KLK15: variants seen among roughly 807,000 people sequenced by gnomAD.
KLK15 encodes the protein kallikrein related peptidase 15.
A neutral mutation model predicts 21.1 loss-of-function variants in KLK15; 19 were observed. That is an observed-to-expected ratio of 0.90 (90% CI 0.63 to 1.32). The LOEUF (loss-of-function observed/expected upper bound fraction) is 1.32, where lower values mean the gene tolerates loss of function less well. Ranked by LOEUF, KLK15 falls within the 40% of genes most tolerant of loss-of-function variation. KLK15 has a pLI of 0.00. For missense variants in KLK15, 345 were observed against 348.6 expected, an observed-to-expected ratio of 0.99 and a Z score of 0.08; for synonymous variants, 141 against 141.5, an observed-to-expected ratio of 1.00 and a Z score of 0.03.
Position 50,825,963 on chromosome 19 carries a change from G to A in KLK15, c.619-15C>T, listed in dbSNP as rs369714675. 6.2e-7 allele frequency: 1 copy of A among 1,607,146 alleles called. No homozygotes were observed. The highest frequency in any genetic ancestry group is 2.2e-5 in the East Asian group (1 of 44,698). The stretch of plus-strand genomic sequence containing the variant: ...CCAGAGTCACCCTGTGGGGAAAAGA[G>A]GGGGTCTCAGGTTGAGTGAAACCTC... On this transcript the variant is annotated splice_polypyrimidine_tract_variant and intron_variant, in intron 4 of 4. Transcript: ENST00000598239.
intron 1 of KLK15, 105 bp from the exon 3 acceptor site, chr19:50,827,920 A>G: frequency 9.2e-7 from 1 of 1,088,524 alleles, no homozygotes; most frequent in South Asian, 1.5e-5. Flanking sequence ...CCTTTCCCCT[A>G]ACTTCTCAAG....
intron 1 of KLK15, among the ~76,000 whole-genome samples, chr19:50,830,946 AT>A (rs1286950875): frequency 6.6e-6 from 1 of 152,150 alleles, no homozygotes; most frequent in African/African-American, 2.4e-5. Context: ...ACCACATTTA[AT>A]CCCCTCAAAG....
chr19:50,829,360 G>C (rs1026268865), intron 1 of KLK15, among the ~76,000 whole-genome samples: 1 of 151,736 alleles, frequency 6.6e-6, no homozygotes, highest in Non-Finnish European at 1.5e-5. Context: ...CCTAGCCCTG[G>C]TAGCTACTTA....
At position 50,827,736 on chromosome 19, in the gene KLK15, C is replaced by T. The variant is rs528730811; in HGVS notation, c.123G>A (p.Glu41=). The change falls in exon 2 of 5, where the codon GAG becomes GAA. Residue 41 remains glutamate, a synonymous_variant. Transcript: ENST00000598239. Reference sequence around the variant, plus strand: ...AAGCGCCACAGTTAAAGCGTCCACGCTCGTAGAGAGCCACTTGCCATGGCT... The same window carrying T: ...AAGCGCCACAGTTAAAGCGTCCACGTTCGTAGAGAGCCACTTGCCATGGCT... 65 of 1,611,336 alleles carry T rather than the reference C, an allele frequency of 4.0e-5. 2 individuals are homozygous for T. In the South Asian group the frequency reaches 6.6e-4, roughly 16 times the overall value.
At chr19:50,825,762 C>A in exon 5 of KLK15, 1 of 1,598,698 alleles carries the variant, frequency 6.3e-7, no homozygotes, top group Non-Finnish European at 8.5e-7. Flanking sequence ...GGGGCTTCTG[C>A]TCAGTCAGGG....
rs1017815186 is a variant in KLK15 at position 50,831,259 on chromosome 19, T to C, written c.43+191A>G. 2.4e-4 allele frequency: 103 copies of C among 423,128 alleles called. 1 individual carries two copies. The highest frequency in any genetic ancestry group is 1.8e-3 in the African/African-American group (85 of 48,438). The allele number at this position is 423,128 out of a possible 1,614,324, so 26.2% of individuals were successfully genotyped here. On this transcript the variant is annotated intron_variant, in intron 1 of 4. Transcript: ENST00000598239. ...GGGCAGCGAGAGGCCCCAGGCAACA[T>C]AGCGACTCCAGAGCAGCAGCACCAG...
chr19:50,832,318 T>TTTC (rs2090002611), upstream of KLK15, among the ~76,000 whole-genome samples: 1 of 113,068 alleles, frequency 8.8e-6, no homozygotes, highest in Non-Finnish European at 1.8e-5. Flanking sequence ...CTTTCTTTTT[T>TTTC]TTTCTTTTTT....
intron 4 of KLK15, chr19:50,826,389 C>A: frequency 2.0e-6 from 1 of 511,600 alleles, no homozygotes; most frequent in Non-Finnish European, 3.4e-6. Flanking sequence ...TTCTCAACCC[C>A]AACCCATGCC....
At chr19:50,832,512 G>A (rs541039752), upstream of KLK15, among the ~76,000 whole-genome samples, 3 of 144,380 alleles carry the variant, frequency 2.1e-5, no homozygotes, top group Admixed American at 7.1e-5. Flanking sequence ...TAGTAGAGAC[G>A]GAGTTTCACC....
In KLK15 at chr19:50,826,054, A is replaced by G. The variant is rs945039870; in HGVS notation, c.619-106T>C. On this transcript the variant is annotated intron_variant, in intron 4 of 4. Transcript: ENST00000598239. ...CCCAAACCCAATCCATCCCCATCCCAGGGAACCCCAACCCAACTCAACTCA... is the reference window on the plus strand; with the variant it reads ...CCCAAACCCAATCCATCCCCATCCCGGGGAACCCCAACCCAACTCAACTCA... 4.2e-6 allele frequency: 5 copies of G among 1,189,366 alleles called. No individual in the cohort carries two copies. In the African/African-American group the frequency reaches 6.1e-5, roughly 15 times the overall value. The allele number at this position is 1,189,366 out of a possible 1,614,324, so 73.7% of individuals were successfully genotyped here. A position where few individuals can be genotyped will look rare whatever the true frequency, so the allele number is the denominator to read the frequency against.
In KLK15 at chr19:50,827,098, C is replaced by CTT. The variant is rs765310880; in HGVS notation, c.260_261insAA (p.Thr88ArgfsTer26). ...GGTGTGGAATGACCCGAGACGTGGTCCGTAGTTGCTCTGGGCCATCGCGCT... is the reference window on the plus strand; with the variant it reads ...GGTGTGGAATGACCCGAGACGTGGTCTTCGTAGTTGCTCTGGGCCATCGCGCT... On this transcript the variant is annotated frameshift_variant, in exon 3 of 5. Transcript: ENST00000598239. LOFTEE classifies it high-confidence loss of function. The CTT allele has an allele frequency of 1.9e-6, 3 of 1,605,354 alleles. No individual in the cohort carries two copies. The African/African-American group carries it at 4.0e-5, about 21-fold the overall frequency.
chr19:50,827,852 C>G, intron 1 of KLK15, 37 bp from the exon 3 acceptor site: 1 of 1,597,394 alleles, frequency 6.3e-7, no homozygotes, highest in Non-Finnish European at 8.6e-7. Flanking sequence ...AGGACAGGGA[C>G]GTTTACATTG....
chr19:50,826,012 A>G, intron 4 of KLK15, 64 bp from the exon 6 acceptor site: 1 of 1,499,410 alleles, frequency 6.7e-7, no homozygotes, highest in Non-Finnish European at 9.0e-7. Flanking sequence ...CATCCTAATC[A>G]CCATTTGCAA....
intron 1 of KLK15, 101 bp downstream of exon 2, chr19:50,831,349 T>C: frequency 1.2e-6 from 1 of 820,982 alleles, no homozygotes; most frequent in Non-Finnish European, 1.8e-6. Context: ...TCTTTAGTGG[T>C]CTCTGGGTGA....
intron 4 of KLK15, 146 bp downstream of exon 5, chr19:50,826,475 C>G (rs151262328): frequency 1.4e-5 from 13 of 960,034 alleles, no homozygotes; most frequent in Non-Finnish European, 1.8e-5. Flanking sequence ...AACCTCACCC[C>G]TATTCTAACT....
At chr19:50,832,394 C>T (rs909707570), upstream of KLK15, among the ~76,000 whole-genome samples, 10 of 147,394 alleles carry the variant, frequency 6.8e-5, no homozygotes, top group African/African-American at 2.5e-4. Context: ...GTGATCTCCG[C>T]TCACTGTAAC....
chr19:50,829,579 C>G (rs922515754), intron 1 of KLK15, among the ~76,000 whole-genome samples: 1 of 151,706 alleles, frequency 6.6e-6, no homozygotes, highest in African/African-American at 2.4e-5. Context: ...GGTGGATCAC[C>G]TGAGGTCAGG....
exon 1 of KLK15, chr19:50,831,462 G>A (rs941962903): frequency 3.0e-5 from 44 of 1,443,116 alleles, no homozygotes; most frequent in Non-Finnish European, 3.6e-5. Context: ...GTGGATGCCA[G>A]CAGGAAGGAG....
At chr19:50,831,491 A>G (rs1180819745) in exon 1 of KLK15, 4 of 1,456,738 alleles carry the variant, frequency 2.7e-6, no homozygotes, top group African/African-American at 1.5e-5. Flanking sequence ...GAGAAGCCAC[A>G]TTGTGGAGGA....
Sources: allele counts gnomAD v4.1 joint callset (sites outside exome capture counted in the v4.1 genomes callset), GRCh38; gene constraint gnomAD v4.1.1; transcripts MANE v1.5; gene names NCBI Gene and HGNC (gene_info 2026-07-23, HGNC 2026-07-21).